MCTP2: variants seen among roughly 807,000 people sequenced by gnomAD.
The protein encoded by MCTP2 is multiple C2 and transmembrane domain containing 2, also known as multiple C2 and transmembrane domain-containing protein 2.
MCTP2 carries 132 observed loss-of-function variants against 111.6 expected under a neutral mutation model. The observed-to-expected ratio is 1.18, with a 90% CI of 1.03 to 1.37. MCTP2 has a LOEUF of 1.37. Among genes scored for constraint, MCTP2 ranks in the 40% most tolerant of loss-of-function variants. The pLI, the probability that MCTP2 is intolerant of heterozygous loss-of-function variation, is 0.00. For missense variants in MCTP2, 1,183 were observed against 1,067.9 expected (o/e 1.11, Z -1.50); for synonymous variants, 395 against 387.7 (o/e 1.02, Z -0.22).
chr15:94,344,834 T>C (rs906548033), intron 7 of MCTP2, among the ~76,000 whole-genome samples: 1 of 152,188 alleles, frequency 6.6e-6, no homozygotes, highest in Non-Finnish European at 1.5e-5. Flanking sequence ...TAATATGGTG[T>C]TTTAAGATAA....
intron 1 of MCTP2, among the ~76,000 whole-genome samples, chr15:94,235,376 C>A (rs2070470028): frequency 6.6e-6 from 1 of 152,050 alleles, no homozygotes; most frequent in African/African-American, 2.4e-5. Context: ...TCTCAGGCAC[C>A]CCGCATTAGG....
intron 8 of MCTP2, among the ~76,000 whole-genome samples, chr15:94,346,137 A>C (rs1051050216): frequency 3.9e-5 from 6 of 152,116 alleles, no homozygotes; most frequent in African/African-American, 9.7e-5. Flanking sequence ...AGACCGAGAG[A>C]GCGAAAGAGA....
chr15:94,237,626 A>G (rs1567239595), intron 1 of MCTP2, among the ~76,000 whole-genome samples: 1 of 152,190 alleles, frequency 6.6e-6, no homozygotes, highest in Non-Finnish European at 1.5e-5. Flanking sequence ...CCCCAAAAGT[A>G]TGTTTCTTTG....
chr15:94,450,143 C>G (rs2084352045), intron 19 of MCTP2, among the ~76,000 whole-genome samples: 1 of 151,578 alleles, frequency 6.6e-6, no homozygotes, highest in South Asian at 2.1e-4. Context: ...AATACCAGTA[C>G]AGTAAGTGCT....
chr15:94,317,646 C>T (rs1445169988), intron 4 of MCTP2, among the ~76,000 whole-genome samples: 2 of 152,208 alleles, frequency 1.3e-5, no homozygotes, highest in Admixed American at 6.5e-5. Flanking sequence ...CCCTTCCACC[C>T]TCCTACCCTC....
chr15:94,409,240 T>C (rs1567649012), intron 17 of MCTP2, among the ~76,000 whole-genome samples: 2 of 152,130 alleles, frequency 1.3e-5, no homozygotes, highest in Non-Finnish European at 2.9e-5. Flanking sequence ...AGCCTACATC[T>C]TTCTCCCATG....
chr15:94,314,226 T>C, intron 2 of MCTP2, 56 bp from the exon 3 acceptor site: 2 of 1,208,026 alleles, frequency 1.7e-6, no homozygotes, highest in Non-Finnish European at 2.4e-6. Flanking sequence ...GGTATCTTCC[T>C]GAGTTGGTAT....
intron 20 of MCTP2, among the ~76,000 whole-genome samples, chr15:94,469,837 T>A (rs75229082): frequency 0.011 from 1,657 of 151,776 alleles, 32 homozygotes; most frequent in African/African-American, 0.038. Flanking sequence ...GCATCACTGC[T>A]CTACAGCCTG....
Position 94,339,376 on chromosome 15 carries a change from T to C in MCTP2, c.724T>C (p.Trp242Arg). 1.2e-6 allele frequency: 2 copies of C among 1,612,424 alleles called. No homozygotes were observed. Residue 242 changes from tryptophan (W) to arginine (R), a missense_variant, in exon 5 of 23, where the codon TGG becomes CGG. By Grantham distance (101) the Trp-to-Arg change is moderately radical. Transcript: ENST00000357742. ...CATATATAAGAACTTGAACCCAGTA[T>C]GGGATGAGATAGTTGTATTGCCAAT... ...KVIYKNLNPV[W>R]DEIVVLPIQS... is the part of the protein sequence containing the mutation.
At chr15:94,353,479 A>G (rs559428092) in intron 8 of MCTP2, among the ~76,000 whole-genome samples, 2 of 152,328 alleles carry the variant, frequency 1.3e-5, no homozygotes, top group East Asian at 3.9e-4. Context: ...CAAGATAAAC[A>G]TCCAATTTGA....
At chr15:94,395,726 T>C (rs1456178124) in intron 14 of MCTP2, among the ~76,000 whole-genome samples, 1 of 152,150 alleles carries the variant, frequency 6.6e-6, no homozygotes, top group Admixed American at 6.5e-5. Context: ...TAATATTCTT[T>C]TATATAGAAA....
At chr15:94,449,934 C>T (rs2084337996) in intron 19 of MCTP2, among the ~76,000 whole-genome samples, 1 of 152,152 alleles carries the variant, frequency 6.6e-6, no homozygotes, top group South Asian at 2.1e-4. Flanking sequence ...TCACTTAGTG[C>T]AGAGAGACTT....
intron 12 of MCTP2, among the ~76,000 whole-genome samples, chr15:94,380,155 G>T (rs2152451158): frequency 6.6e-6 from 1 of 152,108 alleles, no homozygotes; most frequent in South Asian, 2.1e-4. Flanking sequence ...CACTGTTCTT[G>T]GGGGATGGTA....
At chr15:94,425,513 TA>T (rs577328708) in intron 17 of MCTP2, among the ~76,000 whole-genome samples, 6 of 148,796 alleles carry the variant, frequency 4.0e-5, no homozygotes, top group African/African-American at 9.9e-5. Flanking sequence ...CAATACATTA[TA>T]AAAAAAACAG....
chr15:94,255,976 G>A (rs8033068), intron 1 of MCTP2, among the ~76,000 whole-genome samples: 64,627 of 151,920 alleles, frequency 0.43, 14,078 homozygotes, highest in Middle Eastern at 0.57. Context: ...CTCAGATGTC[G>A]CATAAAAACT....
intron 4 of MCTP2, among the ~76,000 whole-genome samples, chr15:94,337,382 A>C (rs4984381): frequency 0.17 from 25,455 of 152,064 alleles, 2,552 homozygotes; most frequent in East Asian, 0.31. Flanking sequence ...GACACCACTG[A>C]GGCCTAGTTT....
At chr15:94,353,315 G>T (rs542182604) in intron 8 of MCTP2, among the ~76,000 whole-genome samples, 1 of 152,106 alleles carries the variant, frequency 6.6e-6, no homozygotes, top group Non-Finnish European at 1.5e-5. Flanking sequence ...GCCAAGTCGC[G>T]CCTGCTACAG....
intron 12 of MCTP2, among the ~76,000 whole-genome samples, chr15:94,381,150 T>C (rs919948797): frequency 6.6e-6 from 1 of 152,348 alleles, no homozygotes; most frequent in East Asian, 1.9e-4. Flanking sequence ...TGGTGAGCAT[T>C]TGGACATTTC....
chr15:94,363,807 G>C (rs1383012735), intron 10 of MCTP2, among the ~76,000 whole-genome samples: 1 of 152,068 alleles, frequency 6.6e-6, no homozygotes, highest in Non-Finnish European at 1.5e-5. Context: ...TGCACCTTCT[G>C]AACGACTGTC....
Sources: allele counts gnomAD v4.1 joint callset (sites outside exome capture counted in the v4.1 genomes callset), GRCh38; gene constraint gnomAD v4.1.1; transcripts MANE v1.5; gene names NCBI Gene and HGNC (gene_info 2026-07-23, HGNC 2026-07-21).